The following NBPF15 variants were observed in gnomAD, a reference collection of about 807,000 sequenced individuals.
The protein encoded by NBPF15 is NBPF family member NBPF15.
Under a neutral mutation model 62.2 loss-of-function variants are expected in NBPF15, and 74 were observed. The ratio of observed to expected loss-of-function variants is 1.19; its 90% CI spans 0.99 to 1.44. The LOEUF is 1.44. Ranked by LOEUF, NBPF15 falls within the 40% of genes most tolerant of loss-of-function variation. The pLI is 0.00. For synonymous variants in NBPF15, 244 were observed against 209.7 expected, an observed-to-expected ratio of 1.16 and a Z score of -1.41; for missense variants, 790 against 550.0, an observed-to-expected ratio of 1.44 and a Z score of -4.36.
At chr1:144,424,116 C>A (rs1460864194) in intron 20 of NBPF15, 141 bp from the exon 21 acceptor site, 9 of 736,276 alleles carry the variant, frequency 1.2e-5, no homozygotes, top group Non-Finnish European at 2.0e-5. Flanking sequence ...TTCAGGAGGT[C>A]TGAAGGCTGG....
rs782032117 is a variant in NBPF15, at chr1:144,438,029, T to A, written c.194A>T (p.Asp65Val). 3.1e-6 allele frequency: 5 copies of A among 1,611,518 alleles called. No individual in the cohort carries two copies. In the East Asian group the frequency reaches 1.1e-4, roughly 36 times the overall value. ...ATTCCTCAGCATAAATTTTATGAGA[T>A]CTTTGCACTCTTCATATTCTGAGAA... is the stretch of plus-strand genomic sequence containing the variant. ...QKKYKYEECK[D>V]LIKFMLRNER... The change falls in exon 9 of 22, where the codon GAT (aspartate) becomes GTT (valine). Residue 65 changes from aspartate to valine, a missense_variant. Transcript: ENST00000581897.
chr1:144,423,633 C>G (rs1280595044), intron 21 of NBPF15, among the ~76,000 whole-genome samples: 1 of 151,994 alleles, frequency 6.6e-6, no homozygotes, highest in African/African-American at 2.4e-5. Context: ...AAATTTGATG[C>G]AGTGGCCATC....
rs1354644184 is a variant in NBPF15, at chr1:144,421,492, G to C, written c.*1521C>G. 1.3e-5 allele frequency: 2 copies of C among 151,850 alleles called. No individual in the cohort carries two copies. Among genetic ancestry groups the C allele is most frequent in the Non-Finnish European group, 2.9e-5 (2 of 67,934 alleles). The allele number at this position is 151,850 out of a possible 1,614,324, so 9.4% of individuals were successfully genotyped here. A position where few individuals can be genotyped will look rare whatever the true frequency, so the allele number is the denominator to read the frequency against. ...ATGTAAAAAACAATCCAGAAGTCCAGAGTGATAGGCAAAAGGTTTTAATTG... is the reference window on the plus strand; with the variant it reads ...ATGTAAAAAACAATCCAGAAGTCCACAGTGATAGGCAAAAGGTTTTAATTG... On this transcript the variant is annotated 3_prime_UTR_variant, in exon 22 of 22. Coordinates refer to ENST00000581897, the MANE Select transcript of NBPF15 (RefSeq NM_001385408.1).
At chr1:144,437,519 A>G (rs1163845768) in intron 9 of NBPF15, among the ~76,000 whole-genome samples, 1 of 149,596 alleles carries the variant, frequency 6.7e-6, no homozygotes, top group Non-Finnish European at 1.5e-5. Context: ...AATTGAAAAG[A>G]CGAAAGAAGA....
intron 6 of NBPF15, among the ~76,000 whole-genome samples, chr1:144,441,960 A>G (rs1683199053): frequency 6.7e-6 from 1 of 149,018 alleles, no homozygotes; most frequent in Non-Finnish European, 1.5e-5. Context: ...GAACTGAACA[A>G]TGAGAACACT....
In NBPF15 at chr1:144,427,995, A is replaced by C; in HGVS notation, c.1041-5T>G. 1.4e-6 allele frequency: 1 copy of C among 733,746 alleles called. No individual in the cohort carries two copies. Among genetic ancestry groups the C allele is most frequent in the Non-Finnish European group, 2.5e-6 (1 of 394,626 alleles). The allele number at this position is 733,746 out of a possible 1,614,324, so 45.5% of individuals were successfully genotyped here. Reference sequence around the variant, plus strand: ...TCCAGCAGCTCCCTGCTGAGCCTGGAAAAGTGGGAAAAAGTAAAGAATAAG... The same window carrying C: ...TCCAGCAGCTCCCTGCTGAGCCTGGCAAAGTGGGAAAAAGTAAAGAATAAG... On this transcript the variant is annotated splice_polypyrimidine_tract_variant and splice_region_variant and intron_variant, in intron 15 of 21. Coordinates refer to ENST00000581897, the MANE Select transcript of NBPF15 (RefSeq NM_001385408.1).
At chr1:144,448,191 C>A (rs1474320434) in intron 6 of NBPF15, among the ~76,000 whole-genome samples, 4 of 152,090 alleles carry the variant, frequency 2.6e-5, no homozygotes, top group African/African-American at 9.7e-5. Flanking sequence ...TCCACTATCT[C>A]CCCTGTAGGT....
At chr1:144,451,050 C>T (rs1690777378) in intron 4 of NBPF15, among the ~76,000 whole-genome samples, 180 bp from the exon 5 acceptor site, 1 of 151,996 alleles carries the variant, frequency 6.6e-6, no homozygotes, top group Non-Finnish European at 1.5e-5. Flanking sequence ...CCAGCACTGG[C>T]CTCTGAGTTC....
intron 9 of NBPF15, among the ~76,000 whole-genome samples, chr1:144,437,583 C>A (rs1157392939): frequency 1.3e-5 from 2 of 150,838 alleles, no homozygotes; most frequent in Non-Finnish European, 3.0e-5. Context: ...AATGAGAAGC[C>A]GCAGTCAGTC....
chr1:144,461,184 G>A (rs1652685723), intron 1 of NBPF15, among the ~76,000 whole-genome samples, 197 bp downstream of exon 1: 1 of 152,022 alleles, frequency 6.6e-6, no homozygotes. Context: ...CCGCCAGCGA[G>A]TTTCTTCCCC....
rs1666605251 is a variant in NBPF15 at position 144,422,759 on chromosome 1, A to G, written c.*254T>C. ...GTAGCTACCCAGAGATACGTGGTTC[A>G]AATTAAAATGTCTGACTGATCACTC... On this transcript the variant is annotated 3_prime_UTR_variant, in exon 22 of 22. Transcript: ENST00000581897. 1 of 851,192 alleles carries G rather than the reference A, an allele frequency of 1.2e-6. No individual in the cohort carries two copies. The highest frequency in any genetic ancestry group is 2.9e-5 in the Admixed American group (1 of 33,900). 52.7% of individuals were successfully genotyped at this position (851,192 alleles called of 1,614,324 possible). A position where few individuals can be genotyped will look rare whatever the true frequency, so the allele number is the denominator to read the frequency against.
intron 17 of NBPF15, 143 bp from the exon 18 acceptor site, chr1:144,426,593 A>G: frequency 2.8e-6 from 2 of 707,166 alleles, no homozygotes; most frequent in Middle Eastern, 3.7e-4. Flanking sequence ...TATTGCCTTT[A>G]TGTTGGGATA....
At chr1:144,449,684 CCTAA>C (rs1322849220) in intron 5 of NBPF15, among the ~76,000 whole-genome samples, 2 of 151,934 alleles carry the variant, frequency 1.3e-5, no homozygotes, top group East Asian at 3.9e-4. Flanking sequence ...GGCTGTGGAT[CCTAA>C]CTAAGAAACT....
At chr1:144,431,390 A>G (rs2101877186) in intron 13 of NBPF15, among the ~76,000 whole-genome samples, 1 of 150,736 alleles carries the variant, frequency 6.6e-6, no homozygotes, top group Non-Finnish European at 1.5e-5. Context: ...CACAAACCCT[A>G]CAAGCCAGAA....
At chr1:144,424,145 A>G (rs782263279) in intron 20 of NBPF15, among the ~76,000 whole-genome samples, 170 bp from the exon 21 acceptor site, 14 of 152,016 alleles carry the variant, frequency 9.2e-5, no homozygotes, top group South Asian at 2.1e-4. Context: ...TAAATTCCTC[A>G]GTTTTTCTCC....
chr1:144,455,573 G>A (rs1403762277), intron 4 of NBPF15, among the ~76,000 whole-genome samples: 3 of 152,036 alleles, frequency 2.0e-5, no homozygotes, highest in East Asian at 1.9e-4. Context: ...AGAACACCAG[G>A]CCGCAACCTT....
chr1:144,423,649 A>G (rs1399729510), intron 21 of NBPF15, among the ~76,000 whole-genome samples: 4 of 152,070 alleles, frequency 2.6e-5, no homozygotes, highest in Non-Finnish European at 4.4e-5. Flanking sequence ...CCATCAGAGT[A>G]CAGCTTTTGA....
chr1:144,441,689 A>G (rs1473159820), intron 6 of NBPF15, among the ~76,000 whole-genome samples: 1 of 150,740 alleles, frequency 6.6e-6, no homozygotes, highest in Non-Finnish European at 1.5e-5. Context: ...TATCTAGTCT[A>G]AGAAATATTT....
Position 144,424,694 on chromosome 1 carries a change from C to G in NBPF15, c.1659G>C (p.Val553=). 1 of 629,776 alleles carries G rather than the reference C, an allele frequency of 1.6e-6. No individual in the cohort carries two copies. Among genetic ancestry groups the G allele is most frequent in the Non-Finnish European group, 2.8e-6 (1 of 358,648 alleles). 39.0% of individuals were successfully genotyped at this position (629,776 alleles called of 1,614,324 possible). ...CCTTCATAGAAAGGTACTCACCTCC[C>G]ACGTCAAGAGAAAAGCCAACATGTT... ...EEKHVGFSLD[V]GEIEKKGKGK... is the part of the protein sequence containing the mutation. The change falls in exon 20 of 22, where the codon GTG becomes GTC. Residue 553 remains valine (V), a synonymous_variant. Transcript: ENST00000581897.
Sources: gnomAD v4.1 joint callset for allele counts (sites outside exome capture counted in the v4.1 genomes callset) on GRCh38, gnomAD v4.1.1 for gene constraint, MANE v1.5 for transcripts, NCBI Gene and HGNC (gene_info 2026-07-23, HGNC 2026-07-21) for gene names.